Variants in USP10 observed in about 807,000 individuals in gnomAD.
The protein encoded by USP10 is ubiquitin specific peptidase 10.
A neutral mutation model predicts 84.5 loss-of-function variants in USP10; 22 were observed. The observed-to-expected ratio is 0.26, with a 90% CI of 0.19 to 0.37. The LOEUF (loss-of-function observed/expected upper bound fraction) is 0.37, where lower values mean the gene tolerates loss of function less well. Among genes scored for constraint, USP10 ranks in the 10% least tolerant of loss-of-function variants. The pLI is 1.00. For missense variants in USP10, 1,019 were observed against 998.9 expected (o/e 1.02, Z -0.27); for synonymous variants, 454 against 387.6 (o/e 1.17, Z -2.01).
chr16:84,732,542 G>A (rs867944927), intron 1 of USP10: 14 of 368,472 alleles, frequency 3.8e-5, no homozygotes, highest in Non-Finnish European at 6.4e-5. Flanking sequence ...GGCCTCCCTG[G>A]TTCAAGCAAT....
At chr16:84,715,246 A>G (rs931078337) in intron 1 of USP10, among the ~76,000 whole-genome samples, 2 of 152,150 alleles carry the variant, frequency 1.3e-5, no homozygotes, top group African/African-American at 2.4e-5. Flanking sequence ...TAAAATATCA[A>G]TAAGCTGACT....
intron 1 of USP10, among the ~76,000 whole-genome samples, chr16:84,711,393 C>T (rs1006601839): frequency 6.6e-6 from 1 of 152,184 alleles, no homozygotes; most frequent in Non-Finnish European, 1.5e-5. Flanking sequence ...TAACTGTGAG[C>T]ATCTGATGTC....
intron 1 of USP10, among the ~76,000 whole-genome samples, chr16:84,731,856 G>A (rs757129174): frequency 2.6e-5 from 4 of 151,812 alleles, no homozygotes; most frequent in African/African-American, 9.7e-5. Flanking sequence ...TGCTTTGAGG[G>A]TTTCTTAGTG....
intron 1 of USP10, among the ~76,000 whole-genome samples, chr16:84,729,372 G>C (rs1020559790): frequency 6.6e-6 from 1 of 152,124 alleles, no homozygotes. Flanking sequence ...TTGTGATATC[G>C]ATGACTTGTC....
rs112899675 is a variant in USP10, at chr16:84,718,190, G to A, written c.22-15245G>A. On this transcript the variant is annotated intron_variant, in intron 1 of 13. Transcript: ENST00000219473. ...ATTTCAGTGAATTAAAAGCAAATGA[G>A]AGATGAGTTTAATTACAAAAGAAAT... 2.8e-3 allele frequency among the ~76,000 whole-genome samples: 434 copies of A among 152,288 alleles called. 4 individuals carry two copies. The highest frequency in any genetic ancestry group is 8.3e-3 in the African/African-American group (344 of 41,562).
chr16:84,707,894 C>T (rs778645908), intron 1 of USP10, among the ~76,000 whole-genome samples: 6 of 151,750 alleles, frequency 4.0e-5, no homozygotes, highest in African/African-American at 9.7e-5. Context: ...GCCTGGGCAA[C>T]GTAGCAAAAC....
chr16:84,731,639 A>C (rs766630377), intron 1 of USP10, among the ~76,000 whole-genome samples: 21 of 152,196 alleles, frequency 1.4e-4, no homozygotes, highest in Non-Finnish European at 2.2e-4. Flanking sequence ...TTTTTTCTCG[A>C]AACTTTCAAA....
intron 8 of USP10, among the ~76,000 whole-genome samples, chr16:84,760,985 G>C (rs905775479): frequency 2.0e-5 from 3 of 152,358 alleles, no homozygotes; most frequent in Non-Finnish European, 2.9e-5. Context: ...TTGCTTTGAA[G>C]AAGAGTGAAT....
At chr16:84,735,620 A>C (rs1179560884) in intron 2 of USP10, among the ~76,000 whole-genome samples, 3 of 152,192 alleles carry the variant, frequency 2.0e-5, no homozygotes, top group African/African-American at 7.2e-5. Context: ...ACTAGTGAGT[A>C]ACAGATGTTA....
intron 1 of USP10, among the ~76,000 whole-genome samples, chr16:84,703,181 A>C (rs76010925): frequency 0.015 from 2,266 of 152,284 alleles, 55 homozygotes; most frequent in African/African-American, 0.051. Flanking sequence ...AAGACAAATA[A>C]ATGAACTTTA....
rs780167167 is a variant in USP10, at chr16:84,764,067, C to G, written c.1655-19C>G. ...TTCTTGTCGTAAATAGTAGTGTAAG[C>G]AGATGCTCTCCTTTTCAGAACTTAC... On this transcript the variant is annotated intron_variant, in intron 9 of 13. Coordinates refer to ENST00000219473, the MANE Select transcript of USP10 (RefSeq NM_005153.3). The G allele has an allele frequency of 1.9e-6, 3 of 1,605,860 alleles. No individual in the cohort carries two copies. The highest frequency in any genetic ancestry group is 2.5e-6 in the Non-Finnish European group (3 of 1,176,652).
At chr16:84,756,252 G>T (rs575160637) in intron 4 of USP10, among the ~76,000 whole-genome samples, 8 of 152,218 alleles carry the variant, frequency 5.3e-5, no homozygotes, top group African/African-American at 1.9e-4. Flanking sequence ...CCTAGGCAGG[G>T]CTCAGCAGGG....
At chr16:84,759,534 T>C (rs1399432459) in intron 6 of USP10, 62 bp downstream of exon 6, 3 of 1,442,018 alleles carry the variant, frequency 2.1e-6, no homozygotes, top group African/African-American at 2.8e-5. Flanking sequence ...TAATTAGAAT[T>C]GAAATAGTTT....
chr16:84,760,564 C>A (rs1361018473), intron 8 of USP10, among the ~76,000 whole-genome samples: 1 of 152,162 alleles, frequency 6.6e-6, no homozygotes, highest in Non-Finnish European at 1.5e-5. Flanking sequence ...ATGGCAGAAC[C>A]CAGCTTTCAA....
At chr16:84,732,979 C>T (rs1218440582) in intron 1 of USP10, 1 of 421,422 alleles carries the variant, frequency 2.4e-6, no homozygotes, top group Non-Finnish European at 4.6e-6. Context: ...GATCATTAAT[C>T]AGGATCATTA....
chr16:84,763,815 C>G (rs1455423548), intron 9 of USP10, among the ~76,000 whole-genome samples: 1 of 152,032 alleles, frequency 6.6e-6, no homozygotes, highest in Non-Finnish European at 1.5e-5. Context: ...TGCCGTGGAT[C>G]CAGTGACGTT....
chr16:84,755,270 A>G (rs554668450), intron 4 of USP10, among the ~76,000 whole-genome samples: 2 of 151,710 alleles, frequency 1.3e-5, no homozygotes, highest in Admixed American at 1.3e-4. Flanking sequence ...ACTCTGCCCT[A>G]GAAGACCTTT....
intron 4 of USP10, among the ~76,000 whole-genome samples, chr16:84,747,501 A>C (rs1352006795): frequency 6.6e-6 from 1 of 150,596 alleles, no homozygotes; most frequent in Non-Finnish European, 1.5e-5. Flanking sequence ...TGAGCAAATG[A>C]TAGGCCAGAC....
chr16:84,704,893 C>T (rs1035783864), intron 1 of USP10: 17 of 1,535,516 alleles, frequency 1.1e-5, no homozygotes, highest in Admixed American at 2.0e-5. Context: ...TGGTTTGGGG[C>T]TGTTACAGCC....
Sources: allele counts gnomAD v4.1 joint callset (sites outside exome capture counted in the v4.1 genomes callset), GRCh38; gene constraint gnomAD v4.1.1; transcripts MANE v1.5; gene names NCBI Gene and HGNC (gene_info 2026-07-23, HGNC 2026-07-21).